EPHA4: variants seen among roughly 807,000 people sequenced by gnomAD.
The protein encoded by EPHA4 is ephrin type-A receptor 4.
In EPHA4, 19 loss-of-function variants were observed where a neutral mutation model predicts 108.3. The observed-to-expected ratio is 0.18, with a 90% confidence interval of 0.12 to 0.26. The LOEUF (loss-of-function observed/expected upper bound fraction) is 0.26, where lower values mean the gene tolerates loss of function less well. Among genes scored for constraint, EPHA4 ranks in the 10% least tolerant of loss-of-function variants. The pLI, the probability that EPHA4 is intolerant of heterozygous loss-of-function variation, is 1.00. For missense variants in EPHA4, 917 were observed against 1,254.0 expected, an observed-to-expected ratio of 0.73 and a Z score of 4.06; for synonymous variants, 449 against 455.5, an observed-to-expected ratio of 0.99 and a Z score of 0.18.
chr2:221,465,462 T>A (rs536592761), intron 5 of EPHA4, among the ~76,000 whole-genome samples: 1 of 152,204 alleles, frequency 6.6e-6, no homozygotes, highest in Admixed American at 6.5e-5. Flanking sequence ...TCACGTTAAT[T>A]GTTTGCATAG....
chr2:221,489,912 G>A (rs1376932442), intron 4 of EPHA4, among the ~76,000 whole-genome samples: 3 of 152,258 alleles, frequency 2.0e-5, no homozygotes, highest in East Asian at 3.9e-4. Context: ...GGAGGCCATG[G>A]TAGGTGGAAG....
At chr2:221,568,189 G>C (rs1187702488) in intron 2 of EPHA4, among the ~76,000 whole-genome samples, 1 of 152,100 alleles carries the variant, frequency 6.6e-6, no homozygotes, top group African/African-American at 2.4e-5. Context: ...GGGTTTTTTG[G>C]ACACAAGTTC....
In EPHA4 at chr2:221,571,325, C is replaced by T. The variant is rs898558419; in HGVS notation, c.91+833G>A. Among the ~76,000 whole-genome samples the T allele has an allele frequency of 3.3e-5, 5 of 151,570 alleles. No individual in the cohort carries two copies. The highest frequency in any genetic ancestry group is 3.3e-4 in the Admixed American group (5 of 15,216). On this transcript the variant is annotated intron_variant, in intron 1 of 17. Transcript: ENST00000281821. The surrounding 1 kb of genome is among the most constrained non-coding windows in gnomAD (Gnocchi z 6.3). The stretch of plus-strand genomic sequence containing the variant: ...AAACTAAATGATCACCGCCCCCCCG[C>T]CCCGCCCCACCTCCCGACACAGACA...
intron 5 of EPHA4, 28 bp downstream of exon 5, chr2:221,482,324 C>A: frequency 6.5e-7 from 1 of 1,540,490 alleles, no homozygotes; most frequent in African/African-American, 1.4e-5. Context: ...ACATTCAGAT[C>A]ATACAATAAA....
In EPHA4 at chr2:221,418,202, A is replaced by G. The variant is rs760468918; in HGVS notation, c.*3170T>C. The G allele has an allele frequency of 6.5e-6, 1 of 152,682 alleles. No homozygotes were observed. Among genetic ancestry groups the G allele is most frequent in the Non-Finnish European group, 1.5e-5 (1 of 68,052 alleles). The allele number at this position is 152,682 out of a possible 1,614,324, so 9.5% of individuals were successfully genotyped here. A position where few individuals can be genotyped will look rare whatever the true frequency, so the allele number is the denominator to read the frequency against. ...AAATACCTTGACAAATTAAAACAAA[A>G]TAGAAAATCTATGTCTAACTCCAGA... On this transcript the variant is annotated 3_prime_UTR_variant, in exon 18 of 18. Coordinates refer to ENST00000281821, the MANE Select transcript of EPHA4 (RefSeq NM_004438.5).
At position 221,512,730 on chromosome 2, in the gene EPHA4, T is replaced by G. The variant is rs563039756; in HGVS notation, c.824-11558A>C. The stretch of plus-strand genomic sequence containing the variant: ...TGTAGAAATTTCATCCCTTATTAGG[T>G]ATGTGCATTTATTCATTCATTGGGC... On this transcript the variant is annotated intron_variant, in intron 3 of 17. Coordinates refer to ENST00000281821, the MANE Select transcript of EPHA4 (RefSeq NM_004438.5). Among the ~76,000 whole-genome samples the G allele has an allele frequency of 3.3e-5, 5 of 152,332 alleles. No individual in the cohort carries two copies. The South Asian group carries it at 8.3e-4, about 25-fold the overall frequency.
intron 8 of EPHA4, among the ~76,000 whole-genome samples, chr2:221,446,647 G>C (rs1489734786): frequency 1.3e-5 from 2 of 152,008 alleles, no homozygotes; most frequent in African/African-American, 4.8e-5. Context: ...ATAGGTAATA[G>C]TAAATATTAT....
intron 3 of EPHA4, among the ~76,000 whole-genome samples, chr2:221,556,471 ATT>A (rs1225934215): frequency 3.1e-4 from 35 of 113,686 alleles, no homozygotes; most frequent in Non-Finnish European, 3.2e-4. Flanking sequence ...TAATTTTTGT[ATT>A]TTTTTTTTTT....
chr2:221,524,903 G>A (rs570212585), intron 3 of EPHA4, among the ~76,000 whole-genome samples: 2 of 152,052 alleles, frequency 1.3e-5, no homozygotes, highest in East Asian at 3.8e-4. Flanking sequence ...TTAAAATGAA[G>A]TTTTCCAAGT....
At chr2:221,475,591 A>G (rs1691628629) in intron 5 of EPHA4, among the ~76,000 whole-genome samples, 1 of 152,228 alleles carries the variant, frequency 6.6e-6, no homozygotes. Flanking sequence ...GCAGTGAGAT[A>G]GTGCCCATGT....
Position 221,528,334 on chromosome 2 carries a change from G to A in EPHA4, c.824-27162C>T, listed in dbSNP as rs192694446. 2.7e-3 allele frequency among the ~76,000 whole-genome samples: 415 copies of A among 152,176 alleles called. 1 individual carries two copies. The highest frequency in any genetic ancestry group is 0.015 in the South Asian group (70 of 4,820). ...GCCTCCCTAGTAATAATCCAGGCTC[G>A]GTAACCATTTAAACAGGAAGTGTAT... On this transcript the variant is annotated intron_variant, in intron 3 of 17. Coordinates refer to ENST00000281821, the MANE Select transcript of EPHA4 (RefSeq NM_004438.5).
chr2:221,487,259 G>T (rs1240308049), intron 4 of EPHA4, among the ~76,000 whole-genome samples: 1 of 152,150 alleles, frequency 6.6e-6, no homozygotes, highest in African/African-American at 2.4e-5. Context: ...AATGGATAGG[G>T]AACCTAGGGA....
chr2:221,458,830 T>C (rs1274067910), intron 5 of EPHA4, among the ~76,000 whole-genome samples: 3 of 152,302 alleles, frequency 2.0e-5, no homozygotes, highest in South Asian at 2.1e-4. Flanking sequence ...CTGGTACCCA[T>C]GCACAATCTC....
chr2:221,500,607 C>A (rs1262918588), intron 4 of EPHA4, among the ~76,000 whole-genome samples: 2 of 152,176 alleles, frequency 1.3e-5, no homozygotes, highest in African/African-American at 4.8e-5. Flanking sequence ...AAGCAATGAT[C>A]TCAGTGCACA....
chr2:221,448,177 C>G (rs1034688803), intron 8 of EPHA4, among the ~76,000 whole-genome samples: 1 of 150,732 alleles, frequency 6.6e-6, no homozygotes, highest in African/African-American at 2.5e-5. Flanking sequence ...CATGACAACC[C>G]TTTGAAAGCA....
chr2:221,443,934 C>T (rs113973630), intron 9 of EPHA4, among the ~76,000 whole-genome samples: 118 of 152,292 alleles, frequency 7.7e-4, no homozygotes, highest in African/African-American at 2.7e-3. Flanking sequence ...AGCTCCCTTG[C>T]CTTTGCATGA....
chr2:221,538,321 C>T (rs953807962), intron 3 of EPHA4, among the ~76,000 whole-genome samples: 1 of 152,128 alleles, frequency 6.6e-6, no homozygotes, highest in Non-Finnish European at 1.5e-5. Flanking sequence ...AGTTGTATTT[C>T]ATTTTGGAGT....
intron 8 of EPHA4, among the ~76,000 whole-genome samples, chr2:221,447,820 T>TA (rs1690639403): frequency 2.0e-5 from 2 of 102,462 alleles, no homozygotes; most frequent in African/African-American, 6.5e-5. Flanking sequence ...AAAGGGTCTA[T>TA]TTTTATTTAT....
chr2:221,450,397 G>C (rs1416083827), intron 8 of EPHA4, among the ~76,000 whole-genome samples: 2 of 152,222 alleles, frequency 1.3e-5, no homozygotes, highest in Non-Finnish European at 1.5e-5. Context: ...TTGTGCAACA[G>C]ATTTGCATAT....
Sources: allele counts gnomAD v4.1 joint callset (sites outside exome capture counted in the v4.1 genomes callset), GRCh38; gene constraint gnomAD v4.1.1; non-coding constraint Gnocchi (gnomAD v3.1); transcripts MANE v1.5; gene names NCBI Gene and HGNC (gene_info 2026-07-23, HGNC 2026-07-21).